RTN3: variants seen among roughly 807,000 people sequenced by gnomAD.
The protein encoded by RTN3 is reticulon-3.
A neutral mutation model predicts 77.8 loss-of-function variants in RTN3; 49 were observed. That is an observed-to-expected ratio of 0.63 (90% confidence interval 0.50 to 0.80). The LOEUF is 0.80. Ranked by LOEUF, RTN3 falls within the 30% of genes least tolerant of loss-of-function variation. The pLI is 0.00. For synonymous variants in RTN3, 464 were observed against 446.9 expected (o/e 1.04, Z -0.48); for missense variants, 1,236 against 1,211.9 (o/e 1.02, Z -0.29).
intron 3 of RTN3, among the ~76,000 whole-genome samples, chr11:63,725,853 T>A (rs1256362916): frequency 6.6e-6 from 1 of 152,230 alleles, no homozygotes; most frequent in Non-Finnish European, 1.5e-5. Context: ...GCTCTGTGCC[T>A]TATTTTTCTA....
At chr11:63,736,944 G>T (rs2013162153) in intron 3 of RTN3, among the ~76,000 whole-genome samples, 1 of 151,362 alleles carries the variant, frequency 6.6e-6, no homozygotes, top group Non-Finnish European at 1.5e-5. Flanking sequence ...ACAACAAGGG[G>T]CAAGAGTCTT....
Position 63,752,573 on chromosome 11 carries a change from G to A in RTN3, c.2805G>A (p.Met935Ile). 1 of 1,613,302 alleles carries A rather than the reference G, an allele frequency of 6.2e-7. No homozygotes were observed. The highest frequency in any genetic ancestry group is 8.5e-7 in the Non-Finnish European group (1 of 1,179,390). The change falls in exon 5 of 9, where the codon ATG becomes ATA. Residue 935 changes from methionine (M) to isoleucine (I), a missense_variant. Met to Ile is a conservative substitution (Grantham distance 10). Around this residue, in one of 3 missense-constraint regions of RTN3, gnomAD observed 141 missense variants for 154.9 expected, o/e 0.91. Transcript: ENST00000377819. ...TCCATAATTACATGAATGCTGCCAT[G>A]GTGCACATCAACAGGGCCCTGAAAC... ...EAFHNYMNAA[M>I]VHINRALKLI...
chr11:63,711,869 A>AT (rs1290900052), intron 2 of RTN3, among the ~76,000 whole-genome samples: 1 of 151,688 alleles, frequency 6.6e-6, no homozygotes, highest in Admixed American at 6.6e-5. Context: ...GGGCCCTACA[A>AT]TTTTTTATAG....
intron 2 of RTN3, among the ~76,000 whole-genome samples, chr11:63,717,372 TGTC>T (rs376469219): frequency 8.3e-5 from 12 of 145,368 alleles, no homozygotes; most frequent in Non-Finnish European, 1.2e-4. Context: ...GAGTTAACTC[TGTC>T]TTTTTTTTTT....
At chr11:63,734,933 A>G (rs1466008880) in intron 3 of RTN3, among the ~76,000 whole-genome samples, 1 of 152,196 alleles carries the variant, frequency 6.6e-6, no homozygotes, top group Non-Finnish European at 1.5e-5. Flanking sequence ...AACTATTAGG[A>G]TTAATAAGTG....
intron 3 of RTN3, among the ~76,000 whole-genome samples, chr11:63,734,440 GTC>G (rs1300245356): frequency 6.6e-6 from 1 of 150,698 alleles, no homozygotes. Flanking sequence ...AATCAAGACT[GTC>G]TCAAACAAAA....
chr11:63,691,230 C>A (rs1161672549), intron 1 of RTN3, among the ~76,000 whole-genome samples: 2 of 149,048 alleles, frequency 1.3e-5, no homozygotes, highest in Non-Finnish European at 3.0e-5. Context: ...AAGCGATTCT[C>A]CTGCTTCAGC....
At position 63,741,726 on chromosome 11, in the gene RTN3, T is replaced by C. The variant is rs908275395; in HGVS notation, c.2531-8265T>C. On this transcript the variant is annotated intron_variant, in intron 3 of 8. Coordinates refer to ENST00000377819, the MANE Select transcript of RTN3 (RefSeq NM_001265589.2). ...GTGTTGGCCAGGCTGGTCTCGAATTTGTGACCTCAGGTGATCTTCCCGCCT... is the reference window on the plus strand; with the variant it reads ...GTGTTGGCCAGGCTGGTCTCGAATTCGTGACCTCAGGTGATCTTCCCGCCT... Among the ~76,000 whole-genome samples, 8 of 150,874 alleles carry C rather than the reference T, an allele frequency of 5.3e-5. No homozygotes were observed. In the South Asian group the frequency reaches 1.5e-3, roughly 28 times the overall value.
chr11:63,750,454 T>TA, intron 4 of RTN3: 4 of 427,704 alleles, frequency 9.4e-6, no homozygotes, highest in Non-Finnish European at 1.7e-5. Context: ...GACTCTAAAT[T>TA]CTTTTTTTTT....
intron 1 of RTN3, among the ~76,000 whole-genome samples, chr11:63,694,237 C>T (rs957664224): frequency 6.6e-6 from 1 of 151,460 alleles, no homozygotes; most frequent in East Asian, 2.0e-4. Context: ...AGTGCAATGG[C>T]GTGATCTCGG....
At chr11:63,733,787 A>T (rs755259386) in intron 3 of RTN3, among the ~76,000 whole-genome samples, 3 of 151,702 alleles carry the variant, frequency 2.0e-5, no homozygotes, top group Non-Finnish European at 2.9e-5. Context: ...GCTACTCGGG[A>T]GGCTGAGGCA....
intron 1 of RTN3, among the ~76,000 whole-genome samples, chr11:63,685,684 T>C (rs1413772200): frequency 6.6e-6 from 1 of 152,028 alleles, no homozygotes; most frequent in Non-Finnish European, 1.5e-5. Context: ...ATTACCTTAA[T>C]TGTTTAAAAA....
At chr11:63,743,021 C>G (rs2013578951) in intron 3 of RTN3, among the ~76,000 whole-genome samples, 1 of 152,172 alleles carries the variant, frequency 6.6e-6, no homozygotes, top group African/African-American at 2.4e-5. Flanking sequence ...GCTGGGACTA[C>G]AGGTGACTGC....
At chr11:63,721,590 AAG>A (rs2011811372) in intron 3 of RTN3, among the ~76,000 whole-genome samples, 1 of 151,910 alleles carries the variant, frequency 6.6e-6, no homozygotes, top group South Asian at 2.1e-4. Context: ...AAAAAAAAAA[AAG>A]AAAATTTTTT....
At chr11:63,728,752 C>T (rs2012458442) in intron 3 of RTN3, among the ~76,000 whole-genome samples, 1 of 151,800 alleles carries the variant, frequency 6.6e-6, no homozygotes, top group South Asian at 2.1e-4. Flanking sequence ...GCCGGGGTGG[C>T]AGTGCACACC....
chr11:63,733,442 T>C (rs1252623110), intron 3 of RTN3, among the ~76,000 whole-genome samples: 1 of 151,180 alleles, frequency 6.6e-6, no homozygotes, highest in African/African-American at 2.4e-5. Flanking sequence ...TAAGCCAAGA[T>C]TGCACCACTG....
intron 3 of RTN3, among the ~76,000 whole-genome samples, chr11:63,748,373 A>T: frequency 1.4e-5 from 2 of 140,696 alleles, no homozygotes; most frequent in Non-Finnish European, 1.5e-5. Context: ...TTTTTTAAAC[A>T]GTCTCATTCT....
chr11:63,731,227 C>T (rs527615067), intron 3 of RTN3, among the ~76,000 whole-genome samples: 1 of 151,946 alleles, frequency 6.6e-6, no homozygotes, highest in African/African-American at 2.4e-5. Context: ...ATCACAGGCG[C>T]GTACCACCAC....
chr11:63,758,022 C>T, intron 8 of RTN3, 134 bp from the exon 9 acceptor site: 1 of 658,326 alleles, frequency 1.5e-6, no homozygotes, highest in South Asian at 2.1e-5. Flanking sequence ...AGCCACCATA[C>T]CCAGCCGGGA....
Sources: allele counts gnomAD v4.1 joint callset (sites outside exome capture counted in the v4.1 genomes callset), GRCh38; gene constraint gnomAD v4.1.1; regional missense constraint gnomAD v4.1.1; transcripts MANE v1.5; gene names NCBI Gene and HGNC (gene_info 2026-07-23, HGNC 2026-07-21).